Variants in SYCP2L observed in about 807,000 individuals in gnomAD.
SYCP2L encodes synaptonemal complex protein 2 like, also known as synaptonemal complex protein 2-like.
A neutral mutation model predicts 125.8 loss-of-function variants in SYCP2L; 98 were observed. That is an observed-to-expected ratio of 0.78 (90% CI 0.66 to 0.92). SYCP2L has a LOEUF of 0.92. SYCP2L is among the 40% of genes least tolerant of loss of function. SYCP2L has a pLI of 0.00. For synonymous variants in SYCP2L, 317 were observed against 325.4 expected (o/e 0.97, Z 0.28); for missense variants, 842 against 936.4 (o/e 0.90, Z 1.32).
chr6:10,898,936 G>T (rs1453393117), intron 6 of SYCP2L, 88 bp downstream of exon 6: 1 of 853,262 alleles, frequency 1.2e-6, no homozygotes, highest in Admixed American at 2.1e-5. Context: ...ATATGTAAAA[G>T]TAAAGTGAGT....
chr6:10,921,896 C>T (rs979375900), intron 14 of SYCP2L, among the ~76,000 whole-genome samples: 5 of 151,896 alleles, frequency 3.3e-5, no homozygotes, highest in African/African-American at 1.2e-4. Context: ...TTAGTAAAGA[C>T]GGGGTTTCAC....
At chr6:10,911,851 G>T (rs985415410) in intron 12 of SYCP2L, among the ~76,000 whole-genome samples, 1 of 141,750 alleles carries the variant, frequency 7.1e-6, no homozygotes, top group East Asian at 2.2e-4. Flanking sequence ...TTGGATTGTA[G>T]AATAGTAAGT....
intron 14 of SYCP2L, among the ~76,000 whole-genome samples, chr6:10,921,745 G>A (rs1341366699): frequency 1.3e-5 from 2 of 149,336 alleles, no homozygotes; most frequent in Non-Finnish European, 3.0e-5. Context: ...TCGCTCTGTC[G>A]CCCAGGCTGA....
At chr6:10,897,959 T>TA in intron 4 of SYCP2L, 52 bp from the exon 5 acceptor site, 1 of 1,149,640 alleles carries the variant, frequency 8.7e-7, no homozygotes, top group Non-Finnish European at 1.3e-6. Context: ...GCAATTTTAT[T>TA]GAATAGGCAG....
chr6:10,901,459 G>A (rs969885537), intron 6 of SYCP2L, among the ~76,000 whole-genome samples: 1 of 152,104 alleles, frequency 6.6e-6, no homozygotes, highest in African/African-American at 2.4e-5. Flanking sequence ...GACTTATTTT[G>A]AATCCAAATC....
intron 1 of SYCP2L, among the ~76,000 whole-genome samples, chr6:10,890,355 A>C (rs979301228): frequency 3.9e-5 from 6 of 152,136 alleles, no homozygotes; most frequent in Non-Finnish European, 8.8e-5. Context: ...TATCCTTGCC[A>C]GCATTTGTTG....
At chr6:10,894,413 G>GC (rs1477889212) in intron 4 of SYCP2L, among the ~76,000 whole-genome samples, 1 of 152,228 alleles carries the variant, frequency 6.6e-6, no homozygotes, top group African/African-American at 2.4e-5. Context: ...CTTTGGGAGT[G>GC]CACAGGATCG....
intron 14 of SYCP2L, among the ~76,000 whole-genome samples, chr6:10,914,608 C>CACAAT (rs56262698): frequency 0.71 from 106,646 of 151,134 alleles, 38,076 homozygotes; most frequent in East Asian, 0.99. Flanking sequence ...TGATCATTTT[C>CACAAT]ATTGATTTTA....
intron 28 of SYCP2L, among the ~76,000 whole-genome samples, chr6:10,962,850 A>AT (rs1301057193): frequency 2.0e-5 from 3 of 152,304 alleles, no homozygotes; most frequent in Admixed American, 2.0e-4. Context: ...CCTATGGGAA[A>AT]TTCCCCTGGA....
At chr6:10,933,589 G>A (rs937931030) in intron 20 of SYCP2L, among the ~76,000 whole-genome samples, 7 of 152,166 alleles carry the variant, frequency 4.6e-5, no homozygotes, top group African/African-American at 1.7e-4. Context: ...ACCACACTTC[G>A]AGTTATCTAC....
In SYCP2L at chr6:10,930,383, G is replaced by A. The variant is rs759749332; in HGVS notation, c.1502G>A (p.Arg501Lys). 6 of 1,612,504 alleles carry A rather than the reference G, an allele frequency of 3.7e-6. No individual in the cohort carries two copies. In the Admixed American group the frequency reaches 8.4e-5, roughly 23 times the overall value. The change falls in exon 19 of 30, where the codon AGA (arginine) becomes AAA (lysine). Residue 501 changes from arginine to lysine, a missense_variant. Coordinates refer to ENST00000283141, the MANE Select transcript of SYCP2L (RefSeq NM_001040274.3). ...CTGTGCTTGTAGAAGTCTCATTACA[G>A]AAAACATCTCTTCTCTGAGAGTAAT... Reference protein sequence around the residue: ...DFPQQPKSHYRKHLFSESNQD... With the variant: ...DFPQQPKSHYKKHLFSESNQD...
At position 10,912,997 on chromosome 6, in the gene SYCP2L, T is replaced by TTTATTTAA; in HGVS notation, c.1072+73_1072+80dup. 7.0e-7 allele frequency: 1 copy of TTTATTTAA among 1,425,938 alleles called. No individual in the cohort carries two copies. The highest frequency in any genetic ancestry group is 9.7e-7 in the Non-Finnish European group (1 of 1,031,522). 88.3% of individuals were successfully genotyped at this position (1,425,938 alleles called of 1,614,324 possible). A position where few individuals can be genotyped will look rare whatever the true frequency, so the allele number is the denominator to read the frequency against. ...ATTTCTGTTGTATATGCAGTGTGTA[T>TTTATTTAA]TTATTTAATTCTAGGGCATATTTTG... On this transcript the variant is annotated intron_variant, in intron 14 of 29. Coordinates refer to ENST00000283141, the MANE Select transcript of SYCP2L (RefSeq NM_001040274.3). The surrounding 1 kb of genome is among the most constrained non-coding windows in gnomAD (Gnocchi z 4.1).
chr6:10,915,783 T>G (rs967560691), intron 14 of SYCP2L, among the ~76,000 whole-genome samples: 2 of 152,186 alleles, frequency 1.3e-5, no homozygotes, highest in African/African-American at 4.8e-5. Context: ...GTAGTTTTCT[T>G]TTTTGGTAAT....
intron 4 of SYCP2L, among the ~76,000 whole-genome samples, chr6:10,895,393 G>T (rs1468576090): frequency 2.0e-5 from 3 of 152,174 alleles, no homozygotes; most frequent in African/African-American, 7.2e-5. Flanking sequence ...TTTCCCCATT[G>T]GCCGGGGTCG....
At chr6:10,958,450 G>A (rs1359675024) in intron 25 of SYCP2L, among the ~76,000 whole-genome samples, 5 of 152,134 alleles carry the variant, frequency 3.3e-5, no homozygotes, top group Non-Finnish European at 7.4e-5. Context: ...CAAGCCATGA[G>A]GAATCCGCCC....
At chr6:10,923,785 G>A (rs1054705327) in intron 14 of SYCP2L, among the ~76,000 whole-genome samples, 1 of 149,658 alleles carries the variant, frequency 6.7e-6, no homozygotes, top group Non-Finnish European at 1.5e-5. Flanking sequence ...CTGGGTTCAC[G>A]CCATTCTCCC....
chr6:10,916,862 C>T (rs1008559164), intron 14 of SYCP2L, among the ~76,000 whole-genome samples: 2 of 152,170 alleles, frequency 1.3e-5, no homozygotes, highest in African/African-American at 4.8e-5. Context: ...CATGGTGGCG[C>T]ATGCCTGTAA....
intron 17 of SYCP2L, among the ~76,000 whole-genome samples, chr6:10,927,988 G>T (rs996815372): frequency 1.3e-5 from 2 of 152,142 alleles, no homozygotes; most frequent in African/African-American, 4.8e-5. Context: ...TGTTCCACCC[G>T]GCTCACCGGC....
rs1249668660 is a variant in SYCP2L at position 10,898,731 on chromosome 6, T to G, written c.442-93T>G. On this transcript the variant is annotated intron_variant, in intron 5 of 29. Transcript: ENST00000283141. ...TTCTTCTGTAAAGTCAATGCCTGCC[T>G]GTTAGAGAAAGTTAACACTAATACA... The G allele has an allele frequency of 6.9e-6, 6 of 871,702 alleles. No homozygotes were observed. The Admixed American group carries it at 1.0e-4, about 15-fold the overall frequency. The allele number at this position is 871,702 out of a possible 1,614,324, so 54.0% of individuals were successfully genotyped here.
Sources: allele counts gnomAD v4.1 joint callset (sites outside exome capture counted in the v4.1 genomes callset), GRCh38; gene constraint gnomAD v4.1.1; non-coding constraint Gnocchi (gnomAD v3.1); transcripts MANE v1.5; gene names NCBI Gene and HGNC (gene_info 2026-07-23, HGNC 2026-07-21).